Variants in PANX1 observed in about 807,000 individuals in gnomAD.
The protein encoded by PANX1 is pannexin-1.
In PANX1, 30 loss-of-function variants were observed where a neutral mutation model predicts 38.7. That is an observed-to-expected ratio of 0.78 (90% CI 0.58 to 1.05). The LOEUF is 1.05. PANX1 is among the 50% of genes least tolerant of loss of function. The pLI is 0.00. For synonymous variants in PANX1, 230 were observed against 212.2 expected, an observed-to-expected ratio of 1.08 and a Z score of -0.73; for missense variants, 551 against 517.2, an observed-to-expected ratio of 1.07 and a Z score of -0.63.
At chr11:94,158,126 A>G (rs937676059) in intron 2 of PANX1, among the ~76,000 whole-genome samples, 3 of 152,232 alleles carry the variant, frequency 2.0e-5, no homozygotes, top group African/African-American at 2.4e-5. Context: ...TAGCAGTACC[A>G]TGCTGTTTTG....
intron 2 of PANX1, among the ~76,000 whole-genome samples, chr11:94,169,601 CATAAG>C (rs1429644605): frequency 6.6e-6 from 1 of 151,610 alleles, no homozygotes; most frequent in African/African-American, 2.4e-5. Context: ...CTGCTATCCT[CATAAG>C]AAGAGGGGAA....
At chr11:94,167,914 A>G (rs371453411) in intron 2 of PANX1, among the ~76,000 whole-genome samples, 17 of 152,350 alleles carry the variant, frequency 1.1e-4, no homozygotes, top group African/African-American at 3.6e-4. Context: ...TGTTTCAGAC[A>G]GTAGTGAACT....
In PANX1 at chr11:94,174,567, A is replaced by G. The variant is rs372068499; in HGVS notation, c.322-3802A>G. Among the ~76,000 whole-genome samples, 77 of 151,712 alleles carry G rather than the reference A, an allele frequency of 5.1e-4. 7 individuals are homozygous for G. Among genetic ancestry groups the G allele is most frequent in the African/African-American group, 1.7e-3 (71 of 41,044 alleles). ...TCTGTTCCCTCAGTGCTTAGTACCT[A>G]CATGTTTTGATGATTTAATTATCAG... is the stretch of plus-strand genomic sequence containing the variant. On this transcript the variant is annotated intron_variant, in intron 2 of 4. Coordinates refer to ENST00000227638, the MANE Select transcript of PANX1 (RefSeq NM_015368.4).
At position 94,178,374 on chromosome 11, in the gene PANX1, C is replaced by G. The variant is rs1189775798; in HGVS notation, c.327C>G (p.Phe109Leu). 1 of 1,613,408 alleles carries G rather than the reference C, an allele frequency of 6.2e-7. No individual in the cohort carries two copies. Among genetic ancestry groups the G allele is most frequent in the Non-Finnish European group, 8.5e-7 (1 of 1,179,472 alleles). ...TTTGTTCTCTTGTTTTTCAGTTTTT[C>G]CCCTACATCCTGCTGCTCTTTGCGA... Reference protein sequence around the residue: ...GNLPLWLHKFFPYILLLFAIL... With the variant: ...GNLPLWLHKFLPYILLLFAIL... The change falls in exon 3 of 5, where the codon TTC becomes TTG. Residue 109 changes from phenylalanine (F) to leucine (L), a missense_variant. Transcript: ENST00000227638.
At chr11:94,169,459 C>T (rs1947138804) in intron 2 of PANX1, among the ~76,000 whole-genome samples, 1 of 151,638 alleles carries the variant, frequency 6.6e-6, no homozygotes, top group South Asian at 2.1e-4. Context: ...TTGTGTCCCC[C>T]AAAAGATATG....
chr11:94,145,107 T>C lies in PANX1; in HGVS notation c.182-8384T>C, dbSNP rs985991730. On this transcript the variant is annotated intron_variant, in intron 1 of 4. Transcript: ENST00000227638. ...GATTTTTTCCAACATGTGAATGATT[T>C]GTGCCATCAAGTAACAACATGTGGA... 2.0e-5 allele frequency among the ~76,000 whole-genome samples: 3 copies of C among 152,236 alleles called. No individual in the cohort carries two copies. The East Asian group carries it at 5.8e-4, about 29-fold the overall frequency.
Position 94,181,201 on chromosome 11 carries a change from C to A in PANX1, c.*332C>A, listed in dbSNP as rs957026954. ...CCTCGGAGCAATACCTTTCTGTACC[C>A]GTGGTGAGACAAGACCCAGAGCTAC... On this transcript the variant is annotated 3_prime_UTR_variant, in exon 5 of 5. Transcript: ENST00000227638. 2 of 225,572 alleles carry A rather than the reference C, an allele frequency of 8.9e-6. No homozygotes were observed. Among genetic ancestry groups the A allele is most frequent in the Non-Finnish European group, 1.8e-5 (2 of 114,190 alleles). 14.0% of individuals were successfully genotyped at this position (225,572 alleles called of 1,614,324 possible). A position where few individuals can be genotyped will look rare whatever the true frequency, so the allele number is the denominator to read the frequency against.
chr11:94,161,914 T>G (rs1372158991), intron 2 of PANX1, among the ~76,000 whole-genome samples: 1 of 152,230 alleles, frequency 6.6e-6, no homozygotes, highest in Non-Finnish European at 1.5e-5. Flanking sequence ...ATGTCCTTTC[T>G]CTTTGTTAGT....
intron 2 of PANX1, among the ~76,000 whole-genome samples, chr11:94,173,278 G>T (rs1301104388): frequency 6.6e-6 from 1 of 151,478 alleles, no homozygotes; most frequent in Non-Finnish European, 1.5e-5. Context: ...CCTGTTCGTG[G>T]TCTTCTGGTC....
At chr11:94,150,360 A>G (rs1946869998) in intron 1 of PANX1, among the ~76,000 whole-genome samples, 1 of 152,228 alleles carries the variant, frequency 6.6e-6, no homozygotes, top group Non-Finnish European at 1.5e-5. Context: ...TAACTTGGCA[A>G]CAGTTTAAAC....
intron 1 of PANX1, among the ~76,000 whole-genome samples, chr11:94,130,391 AAG>A (rs1230768999): frequency 2.0e-5 from 3 of 152,208 alleles, no homozygotes; most frequent in African/African-American, 4.8e-5. Flanking sequence ...TGTTCCTGGA[AAG>A]AGAGACACAG....
At position 94,175,480 on chromosome 11, in the gene PANX1, C is replaced by T. The variant is rs1386387203; in HGVS notation, c.322-2889C>T. 2.0e-5 allele frequency among the ~76,000 whole-genome samples: 3 copies of T among 151,736 alleles called. 1 individual carries two copies. The highest frequency in any genetic ancestry group is 1.9e-4 in the East Asian group (1 of 5,194). On this transcript the variant is annotated intron_variant, in intron 2 of 4. Transcript: ENST00000227638. ...CACTTGGGCATGTTTAAAAATACCA[C>T]AGACTGTAAATAGTCACTTTTTAAT... is the stretch of plus-strand genomic sequence containing the variant.
chr11:94,128,936 C>T lies in PANX1; in HGVS notation c.-377C>T, dbSNP rs914980034. Reference sequence around the variant, plus strand: ...GGCCGCTTCGGCAGCCAGGGCGGCGCGGAGGGGCAGGGCCAGAGGGAAGCG... The same window carrying T: ...GGCCGCTTCGGCAGCCAGGGCGGCGTGGAGGGGCAGGGCCAGAGGGAAGCG... On this transcript the variant is annotated 5_prime_UTR_variant, in exon 1 of 5. Transcript: ENST00000227638. 24 of 160,480 alleles carry T rather than the reference C, an allele frequency of 1.5e-4. No homozygotes were observed. The highest frequency in any genetic ancestry group is 4.3e-4 in the African/African-American group (18 of 41,876). The allele number at this position is 160,480 out of a possible 1,614,324, so 9.9% of individuals were successfully genotyped here. A position where few individuals can be genotyped will look rare whatever the true frequency, so the allele number is the denominator to read the frequency against.
At chr11:94,165,934 C>CTATTAT (rs1366374085) in intron 2 of PANX1, among the ~76,000 whole-genome samples, 2 of 151,704 alleles carry the variant, frequency 1.3e-5, no homozygotes, top group Admixed American at 1.3e-4. Flanking sequence ...ATAGTAATAA[C>CTATTAT]TATTATTATT....
chr11:94,146,492 A>G (rs969553677), intron 1 of PANX1, among the ~76,000 whole-genome samples: 14 of 152,372 alleles, frequency 9.2e-5, no homozygotes, highest in African/African-American at 3.1e-4. Flanking sequence ...CTTTTACGGC[A>G]GAAGAGACCT....
rs779108563 is a variant in PANX1 at position 94,179,660 on chromosome 11, A to G, written c.604A>G (p.Thr202Ala). ...CCCAATTGTGGAGCAGTACTTGAAG[A>G]CAAAGAAAAATTCTAATAATTTAAT... ...KYPIVEQYLKTKKNSNNLIIK... is the reference protein window; with the variant it reads ...KYPIVEQYLKAKKNSNNLIIK... The change falls in exon 4 of 5, where the codon ACA becomes GCA. Residue 202 changes from threonine to alanine, a missense_variant. Coordinates refer to ENST00000227638, the MANE Select transcript of PANX1 (RefSeq NM_015368.4). 4.3e-6 allele frequency: 7 copies of G among 1,613,646 alleles called. No individual in the cohort carries two copies. The highest frequency in any genetic ancestry group is 5.9e-6 in the Non-Finnish European group (7 of 1,179,704).
intron 1 of PANX1, among the ~76,000 whole-genome samples, chr11:94,149,224 A>G (rs1342109700): frequency 1.3e-5 from 2 of 152,236 alleles, no homozygotes; most frequent in East Asian, 3.9e-4. Flanking sequence ...ATGGAGAGCC[A>G]TCCCACTGTG....
chr11:94,164,119 T>C (rs1388956181), intron 2 of PANX1, among the ~76,000 whole-genome samples: 2 of 152,002 alleles, frequency 1.3e-5, no homozygotes, highest in Non-Finnish European at 2.9e-5. Flanking sequence ...GTCTTTCTTT[T>C]TTTTTTAGTC....
Position 94,170,772 on chromosome 11 carries a change from G to T in PANX1, c.322-7597G>T, listed in dbSNP as rs139276075. Among the ~76,000 whole-genome samples the T allele has an allele frequency of 9.0e-3, 1,359 of 151,742 alleles. 25 individuals are homozygous for T. The highest frequency in any genetic ancestry group is 9.0e-3 in the Non-Finnish European group (615 of 68,024). ...TCAGACATGTTTCCCATGTGAGAAG[G>T]TCCAGTTCTAACTTCTGTGGCTTGA... On this transcript the variant is annotated intron_variant, in intron 2 of 4. Coordinates refer to ENST00000227638, the MANE Select transcript of PANX1 (RefSeq NM_015368.4).
Sources: gnomAD v4.1 joint callset for allele counts (sites outside exome capture counted in the v4.1 genomes callset) on GRCh38, gnomAD v4.1.1 for gene constraint, MANE v1.5 for transcripts, NCBI Gene and HGNC (gene_info 2026-07-23, HGNC 2026-07-21) for gene names.